KANSL1: variants seen among roughly 807,000 people sequenced by gnomAD.
KANSL1 encodes the protein MLL1/MLL complex subunit KANSL1.
Under a neutral mutation model 103.6 loss-of-function variants are expected in KANSL1, and 22 were observed. The observed-to-expected ratio is 0.21, with a 90% CI of 0.15 to 0.30. The LOEUF (loss-of-function observed/expected upper bound fraction) is 0.30. Ranked by LOEUF, KANSL1 falls within the 10% of genes least tolerant of loss-of-function variation. The pLI, the probability that KANSL1 is intolerant of heterozygous loss-of-function variation, is 1.00. For synonymous variants in KANSL1, 600 were observed against 527.6 expected, an observed-to-expected ratio of 1.14 and a Z score of -1.88; for missense variants, 1,337 against 1,399.8, an observed-to-expected ratio of 0.96 and a Z score of 0.72.
intron 3 of KANSL1, among the ~76,000 whole-genome samples, chr17:46,089,348 A>C (rs2079288471): frequency 6.6e-6 from 1 of 152,144 alleles, no homozygotes; most frequent in African/African-American, 2.4e-5. Flanking sequence ...TTCTGACAGA[A>C]CAGAAACTGG....
chr17:46,197,138 G>A (rs554544867), upstream of KANSL1, among the ~76,000 whole-genome samples: 2 of 152,152 alleles, frequency 1.3e-5, no homozygotes, highest in African/African-American at 4.8e-5. Flanking sequence ...GAAAGGAAGG[G>A]AGGAAGGAAA....
At chr17:46,196,001 G>T (rs1029830802), upstream of KANSL1, 2 of 201,780 alleles carry the variant, frequency 9.9e-6, no homozygotes. Flanking sequence ...CAGCACTTTG[G>T]GAGGGTGAGG....
intron 1 of KANSL1, among the ~76,000 whole-genome samples, chr17:46,210,486 A>AG (rs1567806739): frequency 0.017 from 10 of 578 alleles, 1 homozygote; most frequent in Admixed American, 0.11. Flanking sequence ...AAAAAAAAAA[A>AG]AAAAAAAAAA....
chr17:46,201,963 C>T (rs556921724), intron 1 of KANSL1, among the ~76,000 whole-genome samples: 10 of 152,284 alleles, frequency 6.6e-5, no homozygotes, highest in Admixed American at 1.3e-4. Context: ...GCAGAGATGG[C>T]GCTACTGCAC....
At chr17:46,077,429 T>G (rs529889697) in intron 4 of KANSL1, among the ~76,000 whole-genome samples, 1 of 152,240 alleles carries the variant, frequency 6.6e-6, no homozygotes, top group Non-Finnish European at 1.5e-5. Context: ...AGTGTGATGT[T>G]AGGCGTTAGG....
Position 46,171,275 on chromosome 17 carries a change from C to G in KANSL1, c.869G>C (p.Arg290Pro). 6.2e-7 allele frequency: 1 copy of G among 1,614,084 alleles called. No homozygotes were observed. Among genetic ancestry groups the G allele is most frequent in the Non-Finnish European group, 8.5e-7 (1 of 1,180,038 alleles). The change falls in exon 2 of 15, where the codon CGA becomes CCA. Residue 290 changes from arginine (R) to proline (P), a missense_variant. By Grantham distance (103) the Arg-to-Pro change is moderately radical. Coordinates refer to ENST00000432791, the MANE Select transcript of KANSL1 (RefSeq NM_015443.4). ...GGCACGGCTCTCAATGTCAGCCTGT[C>G]GCCGCAGTAAAGCTGTTATCCTTGT... ...SDTRITALLR[R>P]QADIESRARR...
At chr17:46,056,430 C>A (rs2077932357) in intron 6 of KANSL1, among the ~76,000 whole-genome samples, 1 of 151,382 alleles carries the variant, frequency 6.6e-6, no homozygotes, top group Non-Finnish European at 1.5e-5. Context: ...CTTGACTCCG[C>A]CACTTACTAG....
At chr17:46,057,023 C>T (rs530015702) in intron 6 of KANSL1, among the ~76,000 whole-genome samples, 54 of 152,162 alleles carry the variant, frequency 3.5e-4, no homozygotes, top group African/African-American at 1.3e-3. Context: ...TACGGTCATC[C>T]CGTCTAGAAA....
intron 1 of KANSL1, chr17:46,215,313 C>T (rs1275735877): frequency 2.0e-5 from 3 of 152,500 alleles, no homozygotes; most frequent in Non-Finnish European, 2.9e-5. Flanking sequence ...GCTATCTGTA[C>T]TACTGCGTAC....
chr17:46,209,139 C>T (rs938923479), intron 1 of KANSL1, among the ~76,000 whole-genome samples: 29 of 151,788 alleles, frequency 1.9e-4, no homozygotes, highest in Admixed American at 1.4e-3. Context: ...GCCAAGATTG[C>T]GCCGATTGCA....
chr17:46,095,526 T>C (rs1012900606), intron 2 of KANSL1, among the ~76,000 whole-genome samples: 2 of 152,176 alleles, frequency 1.3e-5, no homozygotes, highest in African/African-American at 4.8e-5. Flanking sequence ...ACTCAATAAA[T>C]AGTACTAAAC....
At chr17:46,136,568 G>T (rs2532315) in intron 2 of KANSL1, among the ~76,000 whole-genome samples, 1 of 152,088 alleles carries the variant, frequency 6.6e-6, no homozygotes, top group Non-Finnish European at 1.5e-5. Context: ...ACATTAGGTA[G>T]ACTGGATGCC....
chr17:46,185,696 C>CACAT (rs1567781978), intron 1 of KANSL1, among the ~76,000 whole-genome samples: 4 of 44,480 alleles, frequency 9.0e-5, no homozygotes, highest in Non-Finnish European at 2.8e-4. Flanking sequence ...CATATATACA[C>CACAT]ACACACACAC....
intron 2 of KANSL1, among the ~76,000 whole-genome samples, chr17:46,165,946 C>G (rs116957266): frequency 0.15 from 23,461 of 151,604 alleles, 2,640 homozygotes; most frequent in East Asian, 0.42. Flanking sequence ...CACAGTGGCT[C>G]TCGCCTGTAA....
In KANSL1 at chr17:46,220,810, C is replaced by CTA. The variant is rs2048509450; in HGVS notation, c.-90+2860_-90+2861insTA. On this transcript the variant is annotated intron_variant, in intron 1 of 14. Coordinates refer to the KANSL1 transcript ENST00000572904. ...CAAGCAATTCTCCTGCCTCAGCCTC[C>CTA]CAAGTAGCTGGGATTACAGGTGTGT... Among the ~76,000 whole-genome samples, 3 of 152,314 alleles carry CTA rather than the reference C, an allele frequency of 2.0e-5. No individual in the cohort carries two copies. The South Asian group carries it at 6.2e-4, about 32-fold the overall frequency.
chr17:46,086,275 AAG>A (rs1425015631), intron 3 of KANSL1, among the ~76,000 whole-genome samples: 2 of 152,208 alleles, frequency 1.3e-5, no homozygotes, highest in Non-Finnish European at 2.9e-5. Context: ...GACATCTCCT[AAG>A]AGAGTATAAT....
chr17:46,071,449 TGTTCC>T (rs1482910517), intron 4 of KANSL1, among the ~76,000 whole-genome samples: 1 of 152,130 alleles, frequency 6.6e-6, no homozygotes, highest in Non-Finnish European at 1.5e-5. Context: ...CCAATCACAG[TGTTCC>T]ATTTGGAAAA....
In KANSL1 at chr17:46,170,964, T is replaced by C. The variant is rs751709708; in HGVS notation, c.1180A>G (p.Ser394Gly). ...ACATCTGAATCAAATGCCTGTTCAC[T>C]GCACCTCAAGTTGGCTATGCCACTA... ...TASGIANLRC[S>G]EQAFDSDVTD... is the part of the protein sequence containing the mutation. Residue 394 changes from serine to glycine, a missense_variant, in exon 2 of 15, where the codon AGT (serine) becomes GGT (glycine). Physicochemically the swap from Ser to Gly is moderately conservative, Grantham distance 56. This residue lies in a region of KANSL1 where 557 missense variants were observed against 476.4 expected (regional missense o/e 1.17). Coordinates refer to ENST00000432791, the MANE Select transcript of KANSL1 (RefSeq NM_015443.4). 17 of 1,614,096 alleles carry C rather than the reference T, an allele frequency of 1.1e-5. No homozygotes were observed. The African/African-American group carries it at 2.0e-4, about 19-fold the overall frequency.
rs143784238 is a variant in KANSL1 at position 46,058,771 on chromosome 17, T to A, written c.1848+7766A>T. 5.8e-5 allele frequency among the ~76,000 whole-genome samples: 8 copies of A among 137,726 alleles called. No individual in the cohort carries two copies. In the East Asian group the frequency reaches 1.1e-3, roughly 19 times the overall value. The allele number at this position is 137,726 out of a possible 152,430, so 90.4% of individuals were successfully genotyped here. A position where few individuals can be genotyped will look rare whatever the true frequency, so the allele number is the denominator to read the frequency against. Reference sequence around the variant, plus strand: ...CTCTCTCTCTCTCTCTCTCTCTCTCTCTCTCTCTCTCTCTCTCTCTCAAAA... The same window carrying A: ...CTCTCTCTCTCTCTCTCTCTCTCTCACTCTCTCTCTCTCTCTCTCTCAAAA... On this transcript the variant is annotated intron_variant, in intron 6 of 14. Transcript: ENST00000432791.
Sources: gnomAD v4.1 joint callset for allele counts (sites outside exome capture counted in the v4.1 genomes callset) on GRCh38, gnomAD v4.1.1 for gene constraint, gnomAD v4.1.1 regional missense constraint, MANE v1.5 for transcripts, NCBI Gene and HGNC (gene_info 2026-07-23, HGNC 2026-07-21) for gene names.